Variants in NXPE2 observed in about 807,000 individuals in gnomAD.
NXPE2 encodes the protein NXPE family member 2.
In NXPE2, 34 loss-of-function variants were observed where a neutral mutation model predicts 34.4. That is an observed-to-expected ratio of 0.99 (90% CI 0.75 to 1.31). The LOEUF (loss-of-function observed/expected upper bound fraction) is 1.31. NXPE2 is among the 40% of genes most tolerant of loss of function. The pLI, the probability that NXPE2 is intolerant of heterozygous loss-of-function variation, is 0.00. For missense variants in NXPE2, 649 were observed against 672.5 expected, an observed-to-expected ratio of 0.97 and a Z score of 0.39; for synonymous variants, 235 against 231.3, an observed-to-expected ratio of 1.02 and a Z score of -0.15.
the NXPE2 span, among the ~76,000 whole-genome samples, chr11:114,475,226 G>GCTT: frequency 5.7e-5 from 5 of 88,060 alleles, no homozygotes; most frequent in East Asian, 1.7e-3. Flanking sequence ...AATGTGAACT[G>GCTT]TTTTTTTTTT....
chr11:114,656,067 A>G, the NXPE2 span, among the ~76,000 whole-genome samples: 1 of 152,190 alleles, frequency 6.6e-6, no homozygotes, highest in East Asian at 1.9e-4. Flanking sequence ...ACTGATAAGC[A>G]ACTTCAGCAA....
chr11:114,479,763 C>T, the NXPE2 span, among the ~76,000 whole-genome samples: 6 of 152,098 alleles, frequency 3.9e-5, no homozygotes, highest in African/African-American at 1.2e-4. Context: ...TGAGACCCCA[C>T]GGTGTTAGTT....
the NXPE2 span, among the ~76,000 whole-genome samples, chr11:114,770,942 A>C: frequency 6.6e-6 from 1 of 152,214 alleles, no homozygotes; most frequent in Non-Finnish European, 1.5e-5. Flanking sequence ...CTGTACAATA[A>C]GGACCATGAT....
At chr11:114,527,739 A>G in the NXPE2 span, 1 of 689,830 alleles carries the variant, frequency 1.4e-6, no homozygotes, top group Non-Finnish European at 2.4e-6. Flanking sequence ...CATCATAGAC[A>G]TCTGCTAGGA....
the NXPE2 span, among the ~76,000 whole-genome samples, chr11:114,717,274 G>A: frequency 3.4e-4 from 51 of 152,180 alleles, no homozygotes; most frequent in Admixed American, 8.5e-4. Flanking sequence ...ACAGTGGTGT[G>A]CAGAACCAGC....
At chr11:114,588,999 A>G in the NXPE2 span, among the ~76,000 whole-genome samples, 1 of 152,244 alleles carries the variant, frequency 6.6e-6, no homozygotes, top group Admixed American at 6.5e-5. Flanking sequence ...CCCAGGAAAA[A>G]GAGAGGAAAC....
the NXPE2 span, among the ~76,000 whole-genome samples, chr11:114,744,370 A>G: frequency 4.6e-5 from 7 of 152,324 alleles, no homozygotes; most frequent in East Asian, 1.3e-3. Context: ...GTCAATAACA[A>G]CATCATCCTA....
At chr11:114,630,041 A>T in the NXPE2 span, among the ~76,000 whole-genome samples, 1 of 151,516 alleles carries the variant, frequency 6.6e-6, no homozygotes, top group Non-Finnish European at 1.5e-5. Flanking sequence ...CAAATGGAAG[A>T]ACATTCCATG....
At chr11:114,530,596 A>T in the NXPE2 span, 1 of 1,614,122 alleles carries the variant, frequency 6.2e-7, no homozygotes, top group Non-Finnish European at 8.5e-7. Flanking sequence ...GCCCTCAGGA[A>T]ATCCCCACCA....
chr11:114,792,692 A>C, the NXPE2 span, among the ~76,000 whole-genome samples: 2 of 152,238 alleles, frequency 1.3e-5, no homozygotes, highest in Non-Finnish European at 2.9e-5. Flanking sequence ...GATTTGGGAG[A>C]GGCTTCAAAA....
chr11:114,606,210 T>C, the NXPE2 span, among the ~76,000 whole-genome samples: 2 of 151,868 alleles, frequency 1.3e-5, no homozygotes, highest in Non-Finnish European at 2.9e-5. Flanking sequence ...GGATAATACG[T>C]ATTGCCTCAT....
the NXPE2 span, among the ~76,000 whole-genome samples, chr11:114,506,963 T>A: frequency 6.6e-6 from 1 of 151,172 alleles, no homozygotes; most frequent in African/African-American, 2.4e-5. Flanking sequence ...TTTGAAAAAA[T>A]TAATAAAATA....
the NXPE2 span, among the ~76,000 whole-genome samples, chr11:114,570,188 C>A: frequency 6.6e-6 from 1 of 152,118 alleles, no homozygotes; most frequent in African/African-American, 2.4e-5. Context: ...CCAGTGATCA[C>A]CTTAATTTAA....
At chr11:114,809,324 G>A in the NXPE2 span, among the ~76,000 whole-genome samples, 1 of 151,872 alleles carries the variant, frequency 6.6e-6, no homozygotes, top group Non-Finnish European at 1.5e-5. Context: ...ATTCAACATA[G>A]TGTTGGAAAT....
chr11:114,723,905 G>T, the NXPE2 span, among the ~76,000 whole-genome samples: 7 of 152,248 alleles, frequency 4.6e-5, no homozygotes, highest in Non-Finnish European at 5.9e-5. Context: ...CTAATCTTTT[G>T]TGTGCACAGA....
chr11:114,512,702 A>G, the NXPE2 span: 2 of 154,998 alleles, frequency 1.3e-5, no homozygotes, highest in African/African-American at 4.8e-5. Context: ...TTAATAGGAA[A>G]ACATCCTGTT....
chr11:114,740,417 T>A, the NXPE2 span, among the ~76,000 whole-genome samples: 1,311 of 152,322 alleles, frequency 8.6e-3, 24 homozygotes, highest in African/African-American at 0.03. Context: ...GGCAAGTGCA[T>A]GTTCTTCGAC....
the NXPE2 span, chr11:114,583,199 G>A: frequency 3.9e-6 from 3 of 775,642 alleles, no homozygotes; most frequent in Non-Finnish European, 6.1e-6. Context: ...CAATAAAAAG[G>A]CATAGAATGG....
downstream of NXPE2, among the ~76,000 whole-genome samples, chr11:114,710,024 G>A (rs1367457509): frequency 6.6e-6 from 1 of 151,972 alleles, no homozygotes. Context: ...GAACACACGA[G>A]GGATTTAGGA....
Sources: allele counts gnomAD v4.1 joint callset (sites outside exome capture counted in the v4.1 genomes callset), GRCh38; gene constraint gnomAD v4.1.1; transcripts MANE v1.5; gene names NCBI Gene and HGNC (gene_info 2026-07-23, HGNC 2026-07-21).